The following TRPM1 variants were observed in gnomAD, a reference collection of about 807,000 sequenced individuals.
The protein encoded by TRPM1 is transient receptor potential cation channel subfamily M member 1.
Under a neutral mutation model 149.4 loss-of-function variants are expected in TRPM1, and 113 were observed. That is an observed-to-expected ratio of 0.76 (90% CI 0.65 to 0.88). TRPM1 has a LOEUF of 0.88. TRPM1 is among the 40% of genes least tolerant of loss of function. TRPM1 has a pLI of 0.00. For missense variants in TRPM1, 1,976 were observed against 2,038.7 expected, an observed-to-expected ratio of 0.97 and a Z score of 0.59; for synonymous variants, 741 against 759.5, an observed-to-expected ratio of 0.98 and a Z score of 0.40.
intron 1 of TRPM1, among the ~76,000 whole-genome samples, chr15:31,139,286 C>A (rs903581844): frequency 6.6e-6 from 1 of 152,204 alleles, no homozygotes; most frequent in Non-Finnish European, 1.5e-5. Flanking sequence ...TCTTTCCACT[C>A]TTTTCTACCT....
chr15:31,048,778 C>T (rs1209085978), intron 13 of TRPM1, among the ~76,000 whole-genome samples: 1 of 151,998 alleles, frequency 6.6e-6, no homozygotes, highest in Non-Finnish European at 1.5e-5. Flanking sequence ...TGTCACTGCA[C>T]CCCAGCCTGG....
intron 27 of TRPM1, among the ~76,000 whole-genome samples, chr15:31,003,617 G>A (rs2031875088): frequency 6.6e-6 from 1 of 152,184 alleles, no homozygotes. Context: ...GCTGTCAGCA[G>A]TGAATGGTTA....
At chr15:31,160,826 C>A in intron 1 of TRPM1, 2 of 1,474,818 alleles carry the variant, frequency 1.4e-6, no homozygotes, top group African/African-American at 1.4e-5. Flanking sequence ...GGCCAGCACT[C>A]TGAGATGACA....
At chr15:31,113,591 G>A (rs1052961162) in intron 1 of TRPM1, among the ~76,000 whole-genome samples, 1 of 152,006 alleles carries the variant, frequency 6.6e-6, no homozygotes, top group Non-Finnish European at 1.5e-5. Flanking sequence ...ACAACTGCAG[G>A]TTTGTTACAC....
At chr15:31,128,380 G>T (rs1486201053) in intron 1 of TRPM1, among the ~76,000 whole-genome samples, 2 of 152,122 alleles carry the variant, frequency 1.3e-5, no homozygotes, top group African/African-American at 4.8e-5. Context: ...GGGCTGCATC[G>T]TCTGTCTTTG....
chr15:31,050,397 C>G lies in TRPM1; in HGVS notation c.1437+12G>C. Reference sequence around the variant, plus strand: ...GATGCCAAGCTCGTGATCTCTGTGACCTTCCACATACCCAGTTCAGCAGCT... The same window carrying G: ...GATGCCAAGCTCGTGATCTCTGTGAGCTTCCACATACCCAGTTCAGCAGCT... On this transcript the variant is annotated intron_variant, in intron 12 of 27. Transcript: ENST00000256552. The G allele has an allele frequency of 5.6e-6, 9 of 1,614,174 alleles. No individual in the cohort carries two copies. Among genetic ancestry groups the G allele is most frequent in the Non-Finnish European group, 7.6e-6 (9 of 1,180,032 alleles).
chr15:31,158,310 G>A (rs759727348), intron 1 of TRPM1, among the ~76,000 whole-genome samples: 2 of 151,978 alleles, frequency 1.3e-5, no homozygotes, highest in Non-Finnish European at 2.9e-5. Context: ...AGTCCACAGT[G>A]CAAAGTAAAA....
chr15:31,116,881 T>C (rs1193590591), intron 1 of TRPM1, among the ~76,000 whole-genome samples: 1 of 152,144 alleles, frequency 6.6e-6, no homozygotes, highest in Non-Finnish European at 1.5e-5. Flanking sequence ...CCTATTTACC[T>C]CACTTCTTCT....
chr15:31,145,887 G>C (rs2036218244), intron 1 of TRPM1, among the ~76,000 whole-genome samples: 1 of 150,280 alleles, frequency 6.7e-6, no homozygotes. Context: ...TGCACCACAT[G>C]TAAAATACAC....
chr15:31,035,720 G>A (rs1277984632), intron 20 of TRPM1, 46 bp from the exon 21 acceptor site: 2 of 1,613,824 alleles, frequency 1.2e-6, no homozygotes, highest in South Asian at 1.1e-5. Flanking sequence ...GAATCACATA[G>A]CAATCAAATT....
At chr15:31,016,286 G>A (rs937813525) in intron 27 of TRPM1, among the ~76,000 whole-genome samples, 4 of 152,166 alleles carry the variant, frequency 2.6e-5, no homozygotes, top group African/African-American at 9.7e-5. Flanking sequence ...TATGTTTTTA[G>A]TATAACAAGT....
upstream of TRPM1, among the ~76,000 whole-genome samples, chr15:31,105,878 CT>C (rs1555429827): frequency 6.6e-6 from 1 of 152,168 alleles, no homozygotes; most frequent in Non-Finnish European, 1.5e-5. Flanking sequence ...TATTATGTGT[CT>C]AGTGAGCTGT....
At chr15:31,057,236 G>A (rs377332981) in intron 11 of TRPM1, among the ~76,000 whole-genome samples, 3 of 152,196 alleles carry the variant, frequency 2.0e-5, no homozygotes, top group African/African-American at 7.2e-5. Flanking sequence ...TATGTCCTTC[G>A]CAGGGACATG....
intron 1 of TRPM1, among the ~76,000 whole-genome samples, chr15:31,147,853 T>G (rs990533312): frequency 6.6e-6 from 1 of 152,036 alleles, no homozygotes; most frequent in African/African-American, 2.4e-5. Context: ...GGGCCAGGGG[T>G]CCAGGTCCCC....
intron 27 of TRPM1, among the ~76,000 whole-genome samples, chr15:31,007,641 A>G (rs61997143): frequency 0.3 from 28,364 of 93,578 alleles, 2,986 homozygotes; most frequent in South Asian, 0.38. Flanking sequence ...GTCTATAACA[A>G]CAGCAGCGCA....
chr15:31,095,764 C>A (rs2035362528), intron 1 of TRPM1, among the ~76,000 whole-genome samples: 1 of 151,466 alleles, frequency 6.6e-6, no homozygotes, highest in Non-Finnish European at 1.5e-5. Context: ...AAGCCAGGGG[C>A]CAGGCGCAGT....
At chr15:31,127,453 T>C (rs2035965451) in intron 1 of TRPM1, among the ~76,000 whole-genome samples, 1 of 152,096 alleles carries the variant, frequency 6.6e-6, no homozygotes, top group Admixed American at 6.5e-5. Flanking sequence ...CAAAGCCAAA[T>C]AACACAAGAG....
intron 1 of TRPM1, among the ~76,000 whole-genome samples, chr15:31,147,998 CAAAACAA>C (rs1428078728): frequency 6.6e-6 from 1 of 152,052 alleles, no homozygotes; most frequent in African/African-American, 2.4e-5. Flanking sequence ...AAATACAAAA[CAAAACAA>C]ACAAAAAAAC....
chr15:31,011,471 GC>G (rs1177715189), intron 27 of TRPM1, among the ~76,000 whole-genome samples: 5 of 151,728 alleles, frequency 3.3e-5, no homozygotes, highest in Non-Finnish European at 7.4e-5. Flanking sequence ...TCCTAGGCTG[GC>G]CTTGAACCCC....
Sources: gnomAD v4.1 joint callset for allele counts (sites outside exome capture counted in the v4.1 genomes callset) on GRCh38, gnomAD v4.1.1 for gene constraint, MANE v1.5 for transcripts, NCBI Gene and HGNC (gene_info 2026-07-23, HGNC 2026-07-21) for gene names.